Variants in RPS6KA2 observed in about 807,000 individuals in gnomAD.
The protein encoded by RPS6KA2 is ribosomal protein S6 kinase alpha-2.
RPS6KA2 carries 42 observed loss-of-function variants against 91.8 expected under a neutral mutation model. That is an observed-to-expected ratio of 0.46 (90% CI 0.36 to 0.59). The LOEUF (loss-of-function observed/expected upper bound fraction) is 0.59. Among genes scored for constraint, RPS6KA2 ranks in the 20% least tolerant of loss-of-function variants. The pLI is 0.00. For missense variants in RPS6KA2, 798 were observed against 978.5 expected, an observed-to-expected ratio of 0.82 and a Z score of 2.46; for synonymous variants, 414 against 393.6, an observed-to-expected ratio of 1.05 and a Z score of -0.61.
At chr6:166,449,561 A>G (rs1367430618) in intron 13 of RPS6KA2, among the ~76,000 whole-genome samples, 1 of 152,138 alleles carries the variant, frequency 6.6e-6, no homozygotes, top group Non-Finnish European at 1.5e-5. Flanking sequence ...GACCTCCCAA[A>G]GATTCCATTT....
chr6:166,691,322 T>A (rs1789201416), intron 2 of RPS6KA2, among the ~76,000 whole-genome samples: 1 of 152,170 alleles, frequency 6.6e-6, no homozygotes, highest in Admixed American at 6.5e-5. Flanking sequence ...TCACTCATGC[T>A]ATAACAACCT....
At chr6:166,734,588 T>C (rs1790621894) in intron 2 of RPS6KA2, among the ~76,000 whole-genome samples, 1 of 151,820 alleles carries the variant, frequency 6.6e-6, no homozygotes, top group Non-Finnish European at 1.5e-5. Context: ...CAGCCATTGT[T>C]CATTAGGGGT....
At chr6:166,809,110 G>A (rs948364159) in intron 2 of RPS6KA2, among the ~76,000 whole-genome samples, 2 of 152,166 alleles carry the variant, frequency 1.3e-5, no homozygotes, top group African/African-American at 4.8e-5. Context: ...GTCAATGGGG[G>A]AAAGGATGAA....
At chr6:166,492,334 C>A (rs181761343) in intron 8 of RPS6KA2, among the ~76,000 whole-genome samples, 1 of 152,076 alleles carries the variant, frequency 6.6e-6, no homozygotes, top group East Asian at 1.9e-4. Flanking sequence ...CAGATGAGAA[C>A]TGAAAAAGAG....
Position 166,433,057 on chromosome 6 carries a change from G to A in RPS6KA2, c.1333-567C>T, listed in dbSNP as rs1019501471. On this transcript the variant is annotated intron_variant, in intron 14 of 20. Transcript: ENST00000265678. This position sits in a 1 kb window ranked among gnomAD's most constrained non-coding sequence, Gnocchi z 4.4. Reference sequence around the variant, plus strand: ...ATGAATTTTAAGGTGTTATAAGGTTGGGTGGAGACACGTGTAGGGAGCTCA... The same window carrying A: ...ATGAATTTTAAGGTGTTATAAGGTTAGGTGGAGACACGTGTAGGGAGCTCA... 5.9e-5 allele frequency among the ~76,000 whole-genome samples: 9 copies of A among 151,468 alleles called. No homozygotes were observed. The highest frequency in any genetic ancestry group is 2.2e-4 in the African/African-American group (9 of 41,160).
chr6:166,710,753 G>T lies in RPS6KA2; in HGVS notation c.123+147447C>A, dbSNP rs559916953. ...CAGGAGGAGAGAAGAAGTCAGGATAGCTAAGGGCCTCAGGACTTGAGGAGC... is the reference window on the plus strand; with the variant it reads ...CAGGAGGAGAGAAGAAGTCAGGATATCTAAGGGCCTCAGGACTTGAGGAGC... On this transcript the variant is annotated intron_variant, in intron 2 of 21. Coordinates refer to the RPS6KA2 transcript ENST00000503859. Among the ~76,000 whole-genome samples, 4 of 152,312 alleles carry T rather than the reference G, an allele frequency of 2.6e-5. No homozygotes were observed. In the East Asian group the frequency reaches 7.7e-4, roughly 29 times the overall value.
At chr6:166,550,795 G>GA (rs1165320943) in intron 1 of RPS6KA2, among the ~76,000 whole-genome samples, 1 of 152,040 alleles carries the variant, frequency 6.6e-6, no homozygotes, top group African/African-American at 2.4e-5. Flanking sequence ...AAGGTCAGGA[G>GA]ATCGACACCA....
Position 166,538,920 on chromosome 6 carries a change from C to G in RPS6KA2, c.100-136G>C, listed in dbSNP as rs141867016. ...GCGCTGGAGTTTGAAAGTGGAGACACCATTTAGTTGTGTTTTTTTCTTTTT... is the reference window on the plus strand; with the variant it reads ...GCGCTGGAGTTTGAAAGTGGAGACAGCATTTAGTTGTGTTTTTTTCTTTTT... On this transcript the variant is annotated intron_variant, in intron 1 of 20. Coordinates refer to ENST00000265678, the MANE Select transcript of RPS6KA2 (RefSeq NM_021135.6). 344 of 549,438 alleles carry G rather than the reference C, an allele frequency of 6.3e-4. 2 individuals carry two copies. The highest frequency in any genetic ancestry group is 1.0e-3 in the Middle Eastern group (2 of 1,950). 34.0% of individuals were successfully genotyped at this position (549,438 alleles called of 1,614,324 possible).
intron 3 of RPS6KA2, among the ~76,000 whole-genome samples, chr6:166,527,430 G>C (rs1201022897): frequency 6.6e-6 from 1 of 152,182 alleles, no homozygotes; most frequent in Non-Finnish European, 1.5e-5. Context: ...ACTTGCCTTT[G>C]TCTTAAACCA....
exon 1 of RPS6KA2, chr6:166,862,203 T>C (rs1463384840): frequency 1.9e-6 from 3 of 1,613,810 alleles, no homozygotes; most frequent in South Asian, 1.1e-5. Context: ...GGTCGAGTAT[T>C]GATAGTAGGA....
chr6:166,862,233 C>T lies in RPS6KA2; in HGVS notation c.-63G>A, dbSNP rs940336049. On this transcript the variant is annotated 5_prime_UTR_variant, in exon 1 of 22. Coordinates refer to the RPS6KA2 transcript ENST00000503859. ...GTAGGAAAGGAAATAAACAGAGGCT[C>T]GGACCGGCACAGGGGGACGGCCAGA... 79 of 1,611,282 alleles carry T rather than the reference C, an allele frequency of 4.9e-5. No individual in the cohort carries two copies. The Admixed American group carries it at 1.3e-3, about 26-fold the overall frequency.
intron 2 of RPS6KA2, among the ~76,000 whole-genome samples, chr6:166,800,861 C>T (rs1185280196): frequency 2.0e-5 from 3 of 152,118 alleles, no homozygotes; most frequent in Admixed American, 2.0e-4. Flanking sequence ...TTTGGTTTTC[C>T]CTGTAATTGC....
chr6:166,550,918 T>A lies in RPS6KA2; in HGVS notation c.100-12134A>T, dbSNP rs548006793. Among the ~76,000 whole-genome samples the A allele has an allele frequency of 3.4e-5, 5 of 146,492 alleles. No homozygotes were observed. In the East Asian group the frequency reaches 8.5e-4, roughly 25 times the overall value. On this transcript the variant is annotated intron_variant, in intron 1 of 20. Coordinates refer to ENST00000265678, the MANE Select transcript of RPS6KA2 (RefSeq NM_021135.6). ...CGGGAGGCTGAGGCAGCGGAATCGCTTGAACCTGGGAGGCGGAGGTTGCAG... is the reference window on the plus strand; with the variant it reads ...CGGGAGGCTGAGGCAGCGGAATCGCATGAACCTGGGAGGCGGAGGTTGCAG...
chr6:166,532,674 A>G (rs978681367), intron 2 of RPS6KA2, among the ~76,000 whole-genome samples: 1 of 152,210 alleles, frequency 6.6e-6, no homozygotes, highest in African/African-American at 2.4e-5. Context: ...AGGACGGTAC[A>G]GCATCATCCT....
At chr6:166,441,871 G>T (rs566045082) in intron 14 of RPS6KA2, among the ~76,000 whole-genome samples, 20 of 152,340 alleles carry the variant, frequency 1.3e-4, no homozygotes, top group African/African-American at 4.6e-4. Flanking sequence ...GCAGCTGCCG[G>T]GGGCCGGGGG....
At chr6:166,705,514 G>A (rs139781169) in intron 2 of RPS6KA2, among the ~76,000 whole-genome samples, 257 of 152,306 alleles carry the variant, frequency 1.7e-3, no homozygotes, top group African/African-American at 5.9e-3. Context: ...ACACTCAGTG[G>A]AGAAACTTTA....
rs1785815674 is a variant in RPS6KA2 at position 166,603,257 on chromosome 6, G to C, written c.99+23664C>G. Among the ~76,000 whole-genome samples the C allele has an allele frequency of 6.6e-6, 1 of 152,226 alleles. No homozygotes were observed. The highest frequency in any genetic ancestry group is 6.5e-5 in the Admixed American group (1 of 15,286). The stretch of plus-strand genomic sequence containing the variant: ...CACAAGTTATGGTTTCTAAGGGACA[G>C]GGAAGCTTGGCTGAGATCACTGCAC... On this transcript the variant is annotated intron_variant, in intron 1 of 20. Coordinates refer to ENST00000265678, the MANE Select transcript of RPS6KA2 (RefSeq NM_021135.6). This position sits in a 1 kb window ranked among gnomAD's most constrained non-coding sequence, Gnocchi z 4.3.
intron 1 of RPS6KA2, among the ~76,000 whole-genome samples, chr6:166,609,624 T>C (rs1786092207): frequency 6.6e-6 from 1 of 151,894 alleles, no homozygotes; most frequent in South Asian, 2.1e-4. Flanking sequence ...CTCGGCCTCC[T>C]GAGTAGCTGG....
intron 2 of RPS6KA2, among the ~76,000 whole-genome samples, chr6:166,731,370 C>G (rs1039878372): frequency 6.6e-6 from 1 of 152,160 alleles, no homozygotes; most frequent in Admixed American, 6.5e-5. Context: ...TAGTAAAGAT[C>G]CCCCTAGCCA....
Sources: gnomAD v4.1 joint callset for allele counts (sites outside exome capture counted in the v4.1 genomes callset) on GRCh38, gnomAD v4.1.1 for gene constraint, Gnocchi (gnomAD v3.1) non-coding constraint, MANE v1.5 for transcripts, NCBI Gene and HGNC (gene_info 2026-07-23, HGNC 2026-07-21) for gene names.